Variants in MEF2C observed in about 807,000 individuals in gnomAD.
The protein encoded by MEF2C is myocyte enhancer factor 2C.
Under a neutral mutation model 50.5 loss-of-function variants are expected in MEF2C, and 6 were observed. The ratio of observed to expected loss-of-function variants is 0.12; its 90% CI spans 0.07 to 0.23. The LOEUF (loss-of-function observed/expected upper bound fraction) is 0.23, where lower values mean the gene tolerates loss of function less well. MEF2C is among the 10% of genes least tolerant of loss of function. The probability of loss-of-function intolerance (pLI) is 1.00; values close to 1 mark genes in which losing one functional copy is unlikely to be tolerated. For synonymous variants in MEF2C, 183 were observed against 228.0 expected, an observed-to-expected ratio of 0.80 and a Z score of 1.78; for missense variants, 276 against 605.0, an observed-to-expected ratio of 0.46 and a Z score of 5.70.
intron 3 of MEF2C, among the ~76,000 whole-genome samples, chr5:88,787,154 C>A (rs963009512): frequency 4.6e-5 from 7 of 152,072 alleles, no homozygotes; most frequent in African/African-American, 1.7e-4. Context: ...AAAATCAATT[C>A]GTTGACCTTT....
chr5:88,836,656 T>G (rs780320185), intron 1 of MEF2C, among the ~76,000 whole-genome samples: 5 of 152,196 alleles, frequency 3.3e-5, no homozygotes, highest in Non-Finnish European at 5.9e-5. Flanking sequence ...TGAGACAGTT[T>G]CTAGGCCGAA....
chr5:88,741,625 G>C, intron 6 of MEF2C: 3 of 980,124 alleles, frequency 3.1e-6, no homozygotes, highest in Non-Finnish European at 3.6e-6. Context: ...TATGTAAACT[G>C]GCCATAGATT....
At chr5:88,794,541 G>T (rs1795197701) in intron 3 of MEF2C, among the ~76,000 whole-genome samples, 2 of 152,046 alleles carry the variant, frequency 1.3e-5, no homozygotes, top group Admixed American at 1.3e-4. Context: ...CTGGATATTA[G>T]CCCTTTGTCA....
At chr5:88,873,032 G>A (rs566036192) in intron 1 of MEF2C, among the ~76,000 whole-genome samples, 8 of 151,288 alleles carry the variant, frequency 5.3e-5, no homozygotes, top group East Asian at 1.9e-4. Context: ...CTCCCACACC[G>A]ATGCTCCCCA....
chr5:88,761,088 G>A (rs1223352070), intron 4 of MEF2C, 97 bp downstream of exon 4: 1 of 1,613,784 alleles, frequency 6.2e-7, no homozygotes, highest in Non-Finnish European at 8.5e-7. Flanking sequence ...GTCGGGATCG[G>A]GGCTTTCACA....
In MEF2C at chr5:88,728,508, G is replaced by A; in HGVS notation, c.1085C>T (p.Ala362Val). The A allele has an allele frequency of 6.6e-7, 1 of 1,517,224 alleles. No individual in the cohort carries two copies. The highest frequency in any genetic ancestry group is 1.3e-5 in the South Asian group (1 of 76,640). 94.0% of individuals were successfully genotyped at this position (1,517,224 alleles called of 1,614,324 possible). A position where few individuals can be genotyped will look rare whatever the true frequency, so the allele number is the denominator to read the frequency against. ...QQHLHNMPPSALSQLGACTST... is the reference protein window; with the variant it reads ...QQHLHNMPPSVLSQLGACTST... The stretch of plus-strand genomic sequence containing the variant: ...TATTGCTTACCCCAACTGACTGAGG[G>A]CAGATGGTGGCATGTTATGTAGGTG... The change falls in exon 10 of 11, where the codon GCC becomes GTC. Residue 362 changes from alanine to valine, a missense_variant. Ala to Val is a moderately conservative substitution (Grantham distance 64). Around this residue, in one of 2 missense-constraint regions of MEF2C, gnomAD observed 256 missense variants for 468.1 expected, o/e 0.55. Transcript: ENST00000504921.
At chr5:88,768,015 G>A (rs1245112848) in intron 3 of MEF2C, among the ~76,000 whole-genome samples, 1 of 152,098 alleles carries the variant, frequency 6.6e-6, no homozygotes, top group Non-Finnish European at 1.5e-5. Context: ...TCTCCTTCAG[G>A]AATGAGCCCA....
intron 1 of MEF2C, among the ~76,000 whole-genome samples, chr5:88,836,387 C>T (rs1815103791): frequency 6.6e-6 from 1 of 151,938 alleles, no homozygotes; most frequent in Non-Finnish European, 1.5e-5. Context: ...AAAACCCAGT[C>T]ATGACTGCAT....
chr5:88,831,791 A>G (rs1581335255), intron 1 of MEF2C, among the ~76,000 whole-genome samples: 1 of 152,218 alleles, frequency 6.6e-6, no homozygotes, highest in East Asian at 1.9e-4. Context: ...TCTCTTTTAC[A>G]GCATCCTAAT....
intron 3 of MEF2C, among the ~76,000 whole-genome samples, chr5:88,789,349 G>T (rs1792621520): frequency 1.3e-5 from 2 of 151,816 alleles, no homozygotes; most frequent in Non-Finnish European, 2.9e-5. Flanking sequence ...TTTTATTTTT[G>T]TAGAGTTGGA....
intron 1 of MEF2C, among the ~76,000 whole-genome samples, chr5:88,840,761 T>C (rs1186548725): frequency 6.6e-6 from 1 of 152,226 alleles, no homozygotes; most frequent in African/African-American, 2.4e-5. Context: ...ATTTAAAATG[T>C]AATGACTAAA....
chr5:88,740,238 GT>G, intron 6 of MEF2C: 1 of 802,826 alleles, frequency 1.2e-6, no homozygotes, highest in Non-Finnish European at 1.5e-6. Context: ...TTTTGCGTGT[GT>G]GTGTGTGTGT....
At chr5:88,869,672 T>A (rs1012928843) in intron 1 of MEF2C, among the ~76,000 whole-genome samples, 1 of 151,484 alleles carries the variant, frequency 6.6e-6, no homozygotes, top group African/African-American at 2.4e-5. Context: ...CAAATTTTTT[T>A]AATTCACATA....
chr5:88,724,394 A>G (rs1757693083), intron 10 of MEF2C, among the ~76,000 whole-genome samples: 1 of 152,150 alleles, frequency 6.6e-6, no homozygotes, highest in African/African-American at 2.4e-5. Context: ...GTTTTGTACA[A>G]AAGCACCACC....
At chr5:88,853,346 A>G (rs374694769) in intron 1 of MEF2C, among the ~76,000 whole-genome samples, 11 of 152,200 alleles carry the variant, frequency 7.2e-5, no homozygotes, top group Admixed American at 7.2e-4. Flanking sequence ...ACAAGAGTTG[A>G]TTACCAAACA....
At chr5:88,807,782 A>T (rs1233520172) in intron 2 of MEF2C, among the ~76,000 whole-genome samples, 3 of 152,208 alleles carry the variant, frequency 2.0e-5, no homozygotes, top group African/African-American at 7.2e-5. Flanking sequence ...GGCTATTTGA[A>T]GATGTTATTA....
chr5:88,763,944 A>C (rs1287175258), intron 3 of MEF2C, among the ~76,000 whole-genome samples: 1 of 152,154 alleles, frequency 6.6e-6, no homozygotes, highest in Admixed American at 6.5e-5. Flanking sequence ...GAGCCATGGC[A>C]CCCTGCCAAT....
intron 3 of MEF2C, among the ~76,000 whole-genome samples, chr5:88,775,458 C>A (rs962778828): frequency 6.6e-6 from 1 of 152,088 alleles, no homozygotes; most frequent in Non-Finnish European, 1.5e-5. Context: ...TAAATACTTA[C>A]AAATAAAATA....
intron 6 of MEF2C, 43 bp downstream of exon 6, chr5:88,749,027 C>T: frequency 1.9e-6 from 3 of 1,554,958 alleles, no homozygotes; most frequent in Non-Finnish European, 1.7e-6. Flanking sequence ...AGTAGAAGAA[C>T]TCAGAACAAT....
Sources: allele counts gnomAD v4.1 joint callset (sites outside exome capture counted in the v4.1 genomes callset), GRCh38; gene constraint gnomAD v4.1.1; regional missense constraint gnomAD v4.1.1; transcripts MANE v1.5; gene names NCBI Gene and HGNC (gene_info 2026-07-23, HGNC 2026-07-21).